The following CCDC180 variants were observed in gnomAD, a reference collection of about 807,000 sequenced individuals.
The protein encoded by CCDC180 is coiled-coil domain containing 180, also known as coiled-coil domain-containing protein 180.
Under a neutral mutation model 209.2 loss-of-function variants are expected in CCDC180, and 154 were observed. The observed-to-expected ratio is 0.74, with a 90% CI of 0.65 to 0.84. The LOEUF (loss-of-function observed/expected upper bound fraction) is 0.84. CCDC180 is among the 40% of genes least tolerant of loss of function. The pLI is 0.00. For synonymous variants in CCDC180, 778 were observed against 749.1 expected, an observed-to-expected ratio of 1.04 and a Z score of -0.63; for missense variants, 1,874 against 1,997.3, an observed-to-expected ratio of 0.94 and a Z score of 1.18.
chr9:97,353,392 T>C (rs1826479543), intron 22 of CCDC180, among the ~76,000 whole-genome samples: 1 of 152,232 alleles, frequency 6.6e-6, no homozygotes, highest in African/African-American at 2.4e-5. Context: ...TTAAGCCTAG[T>C]TATTTTATAG....
Position 97,377,572 on chromosome 9 carries a change from G to A in CCDC180, c.*678G>A, listed in dbSNP as rs940387958. 6 of 152,194 alleles carry A rather than the reference G, an allele frequency of 3.9e-5. No homozygotes were observed. Among genetic ancestry groups the A allele is most frequent in the Non-Finnish European group, 7.3e-5 (5 of 68,136 alleles). The allele number at this position is 152,194 out of a possible 1,614,324, so 9.4% of individuals were successfully genotyped here. A position where few individuals can be genotyped will look rare whatever the true frequency, so the allele number is the denominator to read the frequency against. On this transcript the variant is annotated 3_prime_UTR_variant, in exon 37 of 37. Transcript: ENST00000529487. ...CAGGTTTCCTCAGCCATAGACCTAG[G>A]AGGCCCCAGCTCCCAAATTTCCAGC... is the stretch of plus-strand genomic sequence containing the variant.
chr9:97,372,065 A>G (rs1827116122), intron 34 of CCDC180: 1 of 166,632 alleles, frequency 6.0e-6, no homozygotes, highest in Non-Finnish European at 1.3e-5. Context: ...CACAAACTGG[A>G]AAAGTATTCC....
intron 19 of CCDC180, among the ~76,000 whole-genome samples, chr9:97,346,803 C>A (rs1467550796): frequency 2.6e-5 from 4 of 152,030 alleles, no homozygotes; most frequent in Non-Finnish European, 5.9e-5. Context: ...TCTCGAACTC[C>A]TAGGTTCAAG....
At chr9:97,316,991 C>G in intron 8 of CCDC180, 74 bp from the exon 9 acceptor site, 1 of 1,424,950 alleles carries the variant, frequency 7.0e-7, no homozygotes, top group Non-Finnish European at 9.5e-7. Context: ...CCCACTGCTC[C>G]TCTCTAACTG....
chr9:97,359,654 AT>A (rs1826692708), intron 25 of CCDC180, among the ~76,000 whole-genome samples: 1 of 151,872 alleles, frequency 6.6e-6, no homozygotes, highest in Non-Finnish European at 1.5e-5. Flanking sequence ...CCTAGGGAAT[AT>A]TTTGTGTCCC....
chr9:97,355,405 C>T (rs1452783065), intron 24 of CCDC180, among the ~76,000 whole-genome samples: 1 of 152,176 alleles, frequency 6.6e-6, no homozygotes, highest in African/African-American at 2.4e-5. Flanking sequence ...ATCCTCCTGC[C>T]TCAACCTCCC....
intron 36 of CCDC180, chr9:97,376,070 T>G (rs1322909230): frequency 6.1e-6 from 1 of 163,316 alleles, no homozygotes; most frequent in Admixed American, 5.8e-5. Context: ...TATCATTTCA[T>G]TGATGAGGAC....
rs1265320430 is a variant in CCDC180 at position 97,309,617 on chromosome 9, G to T, written c.260+13G>T. On this transcript the variant is annotated intron_variant, in intron 3 of 36. Transcript: ENST00000529487. ...CTGTTCTCCACAGGTAGGTCCTGTT[G>T]TCCATGCCTCACCCCCATGCACTAG... The T allele has an allele frequency of 6.5e-7, 1 of 1,538,592 alleles. No homozygotes were observed. The highest frequency in any genetic ancestry group is 1.4e-5 in the African/African-American group (1 of 70,530).
At chr9:97,357,831 G>A in intron 25 of CCDC180, 106 bp downstream of exon 25, 8 of 882,178 alleles carry the variant, frequency 9.1e-6, no homozygotes, top group Non-Finnish European at 1.4e-5. Flanking sequence ...CCAGCACAAG[G>A]TTGGCGGGGT....
intron 11 of CCDC180, 61 bp downstream of exon 11, chr9:97,320,266 G>A: frequency 6.7e-7 from 1 of 1,486,364 alleles, no homozygotes; most frequent in South Asian, 1.1e-5. Context: ...CAGTTGCTTT[G>A]CTGAAGCTCA....
Position 97,347,361 on chromosome 9 carries a change from G to A in CCDC180, c.2546G>A (p.Cys849Tyr). Residue 849 changes from cysteine to tyrosine, a missense_variant, in exon 20 of 37, where the codon TGT becomes TAT. Physicochemically the swap from Cys to Tyr is radical, Grantham distance 194. Coordinates refer to ENST00000529487, the MANE Select transcript of CCDC180 (RefSeq NM_020893.6). Reference sequence around the variant, plus strand: ...CACCTTGAGAAGTGGTTTGACCAGTGTTCCCTCAACACCCGGGTCACCGTG... The same window carrying A: ...CACCTTGAGAAGTGGTTTGACCAGTATTCCCTCAACACCCGGGTCACCGTG... ...FEHLEKWFDQCSLNTRVTVAT... is the reference protein window; with the variant it reads ...FEHLEKWFDQYSLNTRVTVAT... 6.5e-7 allele frequency: 1 copy of A among 1,536,130 alleles called. No homozygotes were observed. The highest frequency in any genetic ancestry group is 8.7e-7 in the Non-Finnish European group (1 of 1,146,916).
intron 35 of CCDC180, among the ~76,000 whole-genome samples, chr9:97,375,238 C>T (rs1827217443): frequency 6.6e-6 from 1 of 152,182 alleles, no homozygotes; most frequent in Non-Finnish European, 1.5e-5. Context: ...CCCCCAGAAC[C>T]CCAGACCGTG....
At chr9:97,312,291 G>C (rs904585538) in intron 4 of CCDC180, 90 bp downstream of exon 4, 87 of 1,096,814 alleles carry the variant, frequency 7.9e-5, no homozygotes, top group East Asian at 1.7e-4. Context: ...CAACTCCTCT[G>C]AGGAAGGCCC....
intron 26 of CCDC180, 66 bp downstream of exon 26, chr9:97,360,167 G>T (rs1206318367): frequency 1.3e-6 from 2 of 1,583,588 alleles, no homozygotes; most frequent in South Asian, 2.3e-5. Context: ...CAGGAGACCT[G>T]CAGGGCTCAG....
chr9:97,341,024 C>T (rs943403562), intron 18 of CCDC180, among the ~76,000 whole-genome samples: 1 of 152,214 alleles, frequency 6.6e-6, no homozygotes, highest in African/African-American at 2.4e-5. Flanking sequence ...CTAAAAGTCT[C>T]TGATATGCAG....
rs545586330 is a variant in CCDC180 at position 97,314,914 on chromosome 9, G to C, written c.763G>C (p.Glu255Gln). ...IEKTSYLMRP[E>Q]VYRLINEEAM... ...GAAAACTTCCTACCTCATGCGGCCC[G>C]AAGTGTACAGGCTGATAAATGAAGA... Residue 255 changes from glutamate to glutamine, a missense_variant, in exon 8 of 37, where the codon GAA becomes CAA. Coordinates refer to ENST00000529487, the MANE Select transcript of CCDC180 (RefSeq NM_020893.6). The C allele has an allele frequency of 5.6e-6, 9 of 1,613,942 alleles. No homozygotes were observed. The highest frequency in any genetic ancestry group is 7.6e-6 in the Non-Finnish European group (9 of 1,179,928).
chr9:97,363,551 G>A (rs1276911489), intron 28 of CCDC180: 6 of 522,728 alleles, frequency 1.1e-5, no homozygotes, highest in Admixed American at 2.0e-5. Flanking sequence ...ATAAAAGAGA[G>A]GGTGCCCATC....
At chr9:97,329,822 A>G (rs1825672946) in intron 16 of CCDC180, among the ~76,000 whole-genome samples, 2 of 152,144 alleles carry the variant, frequency 1.3e-5, no homozygotes, top group African/African-American at 2.4e-5. Flanking sequence ...TAATCCCAGC[A>G]CTTTGGGAGG....
In CCDC180 at chr9:97,374,638, C is replaced by T. The variant is rs747488703; in HGVS notation, c.4696C>T (p.Arg1566Cys). The change falls in exon 35 of 37, where the codon CGT becomes TGT. Residue 1566 changes from arginine to cysteine, a missense_variant. Arg to Cys is a radical substitution (Grantham distance 180). Coordinates refer to ENST00000529487, the MANE Select transcript of CCDC180 (RefSeq NM_020893.6). ...AGAGAGTGAGAAACCCCTGATTGAA[C>T]GTGGAAGCAGGTGAGAACCAAGAGC... The part of the protein sequence containing the change: ...KEESEKPLIE[R>C]GSRKWPGIKP... 11 of 1,613,588 alleles carry T rather than the reference C, an allele frequency of 6.8e-6. No homozygotes were observed. In the Admixed American group the frequency reaches 8.3e-5, roughly 12 times the overall value.
Sources: allele counts gnomAD v4.1 joint callset (sites outside exome capture counted in the v4.1 genomes callset), GRCh38; gene constraint gnomAD v4.1.1; transcripts MANE v1.5; gene names NCBI Gene and HGNC (gene_info 2026-07-23, HGNC 2026-07-21).